FAXC: variants seen among roughly 807,000 people sequenced by gnomAD.
The protein encoded by FAXC is failed axon connections homolog, metaxin like GST domain containing.
A neutral mutation model predicts 41.9 loss-of-function variants in FAXC; 10 were observed. The observed-to-expected ratio is 0.24, with a 90% CI of 0.15 to 0.41. FAXC has a LOEUF of 0.41. FAXC is among the 10% of genes least tolerant of loss of function. The pLI is 1.00. For missense variants in FAXC, 399 were observed against 510.9 expected (o/e 0.78, Z 2.11); for synonymous variants, 183 against 183.8 (o/e 1.00, Z 0.03).
chr6:99,292,491 C>T (rs1473031421), intron 4 of FAXC, among the ~76,000 whole-genome samples: 3 of 152,166 alleles, frequency 2.0e-5, no homozygotes, highest in Non-Finnish European at 2.9e-5. Context: ...GCCTTGTCAC[C>T]GGACTATCAC....
At chr6:99,326,500 T>A (rs1411156110) in intron 3 of FAXC, among the ~76,000 whole-genome samples, 1 of 152,120 alleles carries the variant, frequency 6.6e-6, no homozygotes, top group Non-Finnish European at 1.5e-5. Flanking sequence ...TTGGTTAACC[T>A]GTAGCATTTG....
intron 4 of FAXC, among the ~76,000 whole-genome samples, chr6:99,292,925 G>C (rs1771301190): frequency 6.6e-6 from 1 of 152,128 alleles, no homozygotes; most frequent in Non-Finnish European, 1.5e-5. Flanking sequence ...TCCTGCCTCA[G>C]TCTCCCAAGT....
At chr6:99,288,847 G>GACACACACACGTAC (rs1771118658) in intron 5 of FAXC, among the ~76,000 whole-genome samples, 5 of 69,506 alleles carry the variant, frequency 7.2e-5, no homozygotes, top group African/African-American at 4.9e-4. Context: ...CACATGAATC[G>GACACACACACGTAC]ACACACACAC....
intron 4 of FAXC, among the ~76,000 whole-genome samples, chr6:99,317,463 T>C (rs1772403689): frequency 6.6e-6 from 1 of 152,236 alleles, no homozygotes; most frequent in Non-Finnish European, 1.5e-5. Context: ...GTGGCAATTT[T>C]AGAAAATGTT....
intron 5 of FAXC, among the ~76,000 whole-genome samples, chr6:99,290,480 T>G (rs565700332): frequency 6.6e-6 from 1 of 152,032 alleles, no homozygotes; most frequent in African/African-American, 2.4e-5. Flanking sequence ...GGTGGGCAGA[T>G]CACTTGAGGT....
intron 4 of FAXC, among the ~76,000 whole-genome samples, chr6:99,306,615 T>G (rs567414351): frequency 6.6e-6 from 1 of 152,262 alleles, no homozygotes; most frequent in South Asian, 2.1e-4. Context: ...TGTTAACAAC[T>G]GATACATTTA....
In FAXC at chr6:99,342,830, C is replaced by G. The variant is rs1451201178; in HGVS notation, c.402+68G>C. 2.7e-6 allele frequency: 4 copies of G among 1,457,656 alleles called. No homozygotes were observed. The East Asian group carries it at 9.3e-5, about 34-fold the overall frequency. The allele number at this position is 1,457,656 out of a possible 1,614,324, so 90.3% of individuals were successfully genotyped here. On this transcript the variant is annotated intron_variant, in intron 2 of 5. Coordinates refer to ENST00000389677, the MANE Select transcript of FAXC (RefSeq NM_032511.4). ...CCACTGTGTGAGACGAAATATTCCC[C>G]CCTTTAGTTAAATACTCATCCCCTG...
chr6:99,333,336 C>T lies in FAXC; in HGVS notation c.599+15G>A, dbSNP rs765943159. ...CTTACTTCGAAAGGACGGGGACACC[C>T]CAGAGGGGACTCACCAGTAGAAGTG... On this transcript the variant is annotated intron_variant, in intron 3 of 5. Coordinates refer to ENST00000389677, the MANE Select transcript of FAXC (RefSeq NM_032511.4). The T allele has an allele frequency of 6.3e-6, 10 of 1,596,560 alleles. No individual in the cohort carries two copies. The South Asian group carries it at 9.1e-5, about 15-fold the overall frequency.
chr6:99,349,251 T>C lies in FAXC; in HGVS notation c.122A>G (p.Asp41Gly), dbSNP rs1294605905. 6.2e-7 allele frequency: 1 copy of C among 1,613,734 alleles called. No homozygotes were observed. The highest frequency in any genetic ancestry group is 8.5e-7 in the Non-Finnish European group (1 of 1,179,978). The change falls in exon 1 of 6, where the codon GAC (aspartate) becomes GGC (glycine). Residue 41 changes from aspartate (D) to glycine (G), a missense_variant. Physicochemically the swap from Asp to Gly is moderately conservative, Grantham distance 94 (BLOSUM62 -1). Around this residue, in one of 3 missense-constraint regions of FAXC, gnomAD observed 68 missense variants for 63.4 expected, o/e 1.07. Transcript: ENST00000389677. The part of the protein sequence containing the change: ...GSEEPFSFYG[D>G]IIAFPLQDYG... Reference sequence around the variant, plus strand: ...ATCCTGCAAAGGGAAAGCGATGATGTCCCCATAAAAGGAGAAGGGCTCCTC... The same window carrying C: ...ATCCTGCAAAGGGAAAGCGATGATGCCCCCATAAAAGGAGAAGGGCTCCTC...
chr6:99,344,425 C>G (rs772380569), intron 1 of FAXC, among the ~76,000 whole-genome samples: 2 of 152,158 alleles, frequency 1.3e-5, no homozygotes, highest in South Asian at 2.1e-4. Flanking sequence ...CACCACACCC[C>G]CTTCTTTCTA....
intron 4 of FAXC, among the ~76,000 whole-genome samples, chr6:99,305,832 A>G (rs1371649386): frequency 1.3e-5 from 2 of 152,050 alleles, no homozygotes; most frequent in African/African-American, 4.8e-5. Flanking sequence ...GTCAGTTCTT[A>G]TCAATATTAA....
intron 1 of FAXC, among the ~76,000 whole-genome samples, chr6:99,344,165 T>TA (rs1773517025): frequency 6.6e-6 from 1 of 152,168 alleles, no homozygotes. Context: ...TTACATAAGG[T>TA]AATACTGTAA....
intron 5 of FAXC, among the ~76,000 whole-genome samples, chr6:99,286,140 G>A (rs193169642): frequency 7.2e-5 from 11 of 152,318 alleles, no homozygotes; most frequent in African/African-American, 2.2e-4. Context: ...CATGCTAGGC[G>A]CTGACTACAC....
At chr6:99,303,743 C>T (rs1771804381) in intron 4 of FAXC, among the ~76,000 whole-genome samples, 1 of 152,178 alleles carries the variant, frequency 6.6e-6, no homozygotes, top group Non-Finnish European at 1.5e-5. Context: ...CTTGTCATGG[C>T]TTGCCCTCTC....
At chr6:99,292,573 A>G (rs180996656) in intron 4 of FAXC, among the ~76,000 whole-genome samples, 51 of 152,304 alleles carry the variant, frequency 3.3e-4, no homozygotes, top group Non-Finnish European at 5.9e-4. Flanking sequence ...TGGAGGGAGC[A>G]CTAGGGGAGA....
intron 4 of FAXC, among the ~76,000 whole-genome samples, chr6:99,303,982 T>C (rs902627441): frequency 2.6e-5 from 4 of 152,198 alleles, no homozygotes; most frequent in Admixed American, 6.5e-5. Context: ...CAAAAGTTTA[T>C]ATTCAAAAAA....
At chr6:99,338,433 C>T (rs776919732) in intron 2 of FAXC, among the ~76,000 whole-genome samples, 13 of 152,158 alleles carry the variant, frequency 8.5e-5, no homozygotes, top group Non-Finnish European at 1.5e-4. Flanking sequence ...GCAGTCAGGG[C>T]TTGACGGCTT....
chr6:99,285,771 G>C (rs1005187369), intron 5 of FAXC, among the ~76,000 whole-genome samples: 2 of 152,152 alleles, frequency 1.3e-5, no homozygotes, highest in African/African-American at 2.4e-5. Context: ...GATAATCCCA[G>C]ATAGAATAAA....
rs1430779920 is a variant in FAXC at position 99,349,412 on chromosome 6, G to C, written c.-40C>G. 6.6e-7 allele frequency: 1 copy of C among 1,516,876 alleles called. No homozygotes were observed. The allele number at this position is 1,516,876 out of a possible 1,614,324, so 94.0% of individuals were successfully genotyped here. On this transcript the variant is annotated 5_prime_UTR_variant, in exon 1 of 6. Transcript: ENST00000389677. ...TCCGGGCGCCCCTCCCAGGGCCCGC[G>C]CCGCCCGCATGGGAAGGGGCCGGCG...
Sources: allele counts gnomAD v4.1 joint callset (sites outside exome capture counted in the v4.1 genomes callset), GRCh38; gene constraint gnomAD v4.1.1; regional missense constraint gnomAD v4.1.1; transcripts MANE v1.5; gene names NCBI Gene and HGNC (gene_info 2026-07-23, HGNC 2026-07-21).